RBFOX1: variants seen among roughly 807,000 people sequenced by gnomAD.
RBFOX1 encodes the protein RNA binding fox-1 homolog 1, also known as RNA binding protein fox-1 homolog 1.
RBFOX1 carries 8 observed loss-of-function variants against 57.7 expected under a neutral mutation model. That is an observed-to-expected ratio of 0.14 (90% CI 0.08 to 0.25). The LOEUF (loss-of-function observed/expected upper bound fraction) is 0.25, where lower values mean the gene tolerates loss of function less well. RBFOX1 is among the 10% of genes least tolerant of loss of function. The pLI is 1.00. For missense variants in RBFOX1, 611 were observed against 548.5 expected (o/e 1.11, Z -1.14); for synonymous variants, 326 against 222.4 (o/e 1.47, Z -4.15).
chr16:5,635,270 A>G lies in RBFOX1; in HGVS notation c.318+36309A>G, dbSNP rs192424264. Among the ~76,000 whole-genome samples, 360 of 152,338 alleles carry G rather than the reference A, an allele frequency of 2.4e-3. 1 individual carries two copies. Among genetic ancestry groups the G allele is most frequent in the Non-Finnish European group, 4.0e-3 (272 of 68,026 alleles). ...CTATTGACCTCACTGAATAAATTGAATAAATAATTTACATTCTACACAGGG... is the reference window on the plus strand; with the variant it reads ...CTATTGACCTCACTGAATAAATTGAGTAAATAATTTACATTCTACACAGGG... On this transcript the variant is annotated intron_variant, in intron 3 of 19. Coordinates refer to the RBFOX1 transcript ENST00000641259.
intron 4 of RBFOX1, among the ~76,000 whole-genome samples, chr16:6,012,061 G>T (rs549435286): frequency 2.5e-4 from 38 of 152,348 alleles, no homozygotes; most frequent in African/African-American, 8.9e-4. Context: ...AGGCACAACG[G>T]TGAGAAATTT....
chr16:5,908,502 G>A (rs1486764654), intron 4 of RBFOX1, among the ~76,000 whole-genome samples: 1 of 151,664 alleles, frequency 6.6e-6, no homozygotes, highest in South Asian at 2.1e-4. Context: ...ACAGGTGCCT[G>A]CCACCATGCC....
chr16:5,650,801 C>A (rs967458638), intron 3 of RBFOX1, among the ~76,000 whole-genome samples: 1 of 152,068 alleles, frequency 6.6e-6, no homozygotes, highest in Non-Finnish European at 1.5e-5. Flanking sequence ...AACAGACGGA[C>A]ACAGTCTTTG....
intron 4 of RBFOX1, among the ~76,000 whole-genome samples, chr16:7,356,566 T>A (rs1049023200): frequency 6.6e-6 from 1 of 152,080 alleles, no homozygotes; most frequent in African/African-American, 2.4e-5. Flanking sequence ...CTGCACAGCA[T>A]GATAATGAGT....
chr16:5,587,502 C>G (rs868128512), intron 2 of RBFOX1, among the ~76,000 whole-genome samples: 8 of 152,296 alleles, frequency 5.3e-5, no homozygotes, highest in Non-Finnish European at 7.4e-5. Context: ...CACCTGAGGT[C>G]AGGAGTTTGA....
intron 4 of RBFOX1, among the ~76,000 whole-genome samples, chr16:7,303,031 C>G (rs1001329305): frequency 6.6e-6 from 1 of 152,172 alleles, no homozygotes; most frequent in Non-Finnish European, 1.5e-5. Context: ...ACTTCCCTAC[C>G]CTGTGCATTT....
intron 1 of RBFOX1, among the ~76,000 whole-genome samples, chr16:5,333,947 A>T (rs925404474): frequency 6.6e-6 from 1 of 152,232 alleles, no homozygotes; most frequent in Non-Finnish European, 1.5e-5. Context: ...TATGCAGTAC[A>T]TGACTTTGTA....
At chr16:7,046,123 G>GGAA in intron 3 of RBFOX1, among the ~76,000 whole-genome samples, 1 of 152,204 alleles carries the variant, frequency 6.6e-6, no homozygotes, top group Admixed American at 6.5e-5. Flanking sequence ...GCATTAAGAA[G>GGAA]GAAGCATTGC....
chr16:5,934,310 T>A (rs887647837), intron 4 of RBFOX1, among the ~76,000 whole-genome samples: 1 of 152,264 alleles, frequency 6.6e-6, no homozygotes, highest in Non-Finnish European at 1.5e-5. Context: ...GGAAAGACAG[T>A]GGTACCCAGC....
At chr16:6,418,361 T>C (rs917487307) in intron 2 of RBFOX1, among the ~76,000 whole-genome samples, 2 of 152,046 alleles carry the variant, frequency 1.3e-5, no homozygotes, top group African/African-American at 4.8e-5. Flanking sequence ...CTTCTAGGAC[T>C]AAGGGCACAT....
Position 6,654,784 on chromosome 16 carries a change from A to G in RBFOX1, c.-16+134A>G, listed in dbSNP as rs1345805336. The G allele has an allele frequency of 8.3e-6, 5 of 601,494 alleles. No individual in the cohort carries two copies. The South Asian group carries it at 9.4e-5, about 11-fold the overall frequency. The allele number at this position is 601,494 out of a possible 1,614,324, so 37.3% of individuals were successfully genotyped here. A position where few individuals can be genotyped will look rare whatever the true frequency, so the allele number is the denominator to read the frequency against. ...ACGGTCTATGACATATTTAAAGACA[A>G]TCAGACTTAAAAATGCTTGTCATTT... is the stretch of plus-strand genomic sequence containing the variant. On this transcript the variant is annotated intron_variant, in intron 3 of 15. Transcript: ENST00000550418.
intron 1 of RBFOX1, among the ~76,000 whole-genome samples, chr16:5,420,502 TTTG>T (rs1298546314): frequency 1.3e-5 from 2 of 152,052 alleles, no homozygotes; most frequent in African/African-American, 4.8e-5. Context: ...CTTTGTTTTT[TTTG>T]TTGTTTGTTT....
At chr16:6,201,398 T>C (rs1253527233) in intron 1 of RBFOX1, among the ~76,000 whole-genome samples, 1 of 152,172 alleles carries the variant, frequency 6.6e-6, no homozygotes, top group African/African-American at 2.4e-5. Context: ...CCAGAGTGGC[T>C]ATACTAATTT....
intron 4 of RBFOX1, among the ~76,000 whole-genome samples, chr16:7,228,875 C>G (rs942594538): frequency 3.3e-5 from 5 of 152,148 alleles, no homozygotes; most frequent in South Asian, 2.1e-4. Flanking sequence ...TACAGATCCA[C>G]AGCTTCACGT....
chr16:6,283,555 C>T, intron 1 of RBFOX1, among the ~76,000 whole-genome samples: 1 of 151,972 alleles, frequency 6.6e-6, no homozygotes, highest in Non-Finnish European at 1.5e-5. Flanking sequence ...GCCTCAAAAA[C>T]AAGCAAAAAT....
chr16:6,832,983 C>T (rs1467979637), intron 3 of RBFOX1, among the ~76,000 whole-genome samples: 2 of 152,156 alleles, frequency 1.3e-5, no homozygotes, highest in South Asian at 2.1e-4. Flanking sequence ...GTAACTCCTG[C>T]TCCTCATTTA....
chr16:7,238,054 G>A (rs940982427), intron 4 of RBFOX1, among the ~76,000 whole-genome samples: 9 of 152,178 alleles, frequency 5.9e-5, no homozygotes, highest in African/African-American at 1.9e-4. Flanking sequence ...TGAACCTTGA[G>A]GACATTATTC....
chr16:7,385,474 G>T (rs1177086962), intron 4 of RBFOX1, among the ~76,000 whole-genome samples: 3 of 152,190 alleles, frequency 2.0e-5, no homozygotes, highest in African/African-American at 7.2e-5. Flanking sequence ...TGGGTGAATG[G>T]TGCCATGGAA....
chr16:6,184,107 C>G (rs930034116), intron 1 of RBFOX1, among the ~76,000 whole-genome samples: 6 of 152,166 alleles, frequency 3.9e-5, no homozygotes, highest in African/African-American at 1.4e-4. Flanking sequence ...CCTTATAAAA[C>G]CATCCTATCT....
Sources: gnomAD v4.1 joint callset for allele counts (sites outside exome capture counted in the v4.1 genomes callset) on GRCh38, gnomAD v4.1.1 for gene constraint, MANE v1.5 for transcripts, NCBI Gene and HGNC (gene_info 2026-07-23, HGNC 2026-07-21) for gene names.